CSMD2: variants seen among roughly 807,000 people sequenced by gnomAD.
The protein encoded by CSMD2 is CUB and Sushi multiple domains 2, also known as CUB and sushi domain-containing protein 2.
In CSMD2, 130 loss-of-function variants were observed where a neutral mutation model predicts 398.5. That is an observed-to-expected ratio of 0.33 (90% CI 0.28 to 0.38). CSMD2 has a LOEUF of 0.38. CSMD2 is among the 10% of genes least tolerant of loss of function. CSMD2 has a pLI of 1.00. For missense variants in CSMD2, 3,829 were observed against 4,764.9 expected (o/e 0.80, Z 5.78); for synonymous variants, 1,828 against 1,908.5 (o/e 0.96, Z 1.10).
chr1:33,669,503 C>G (rs1021476786), intron 25 of CSMD2, among the ~76,000 whole-genome samples: 7 of 152,162 alleles, frequency 4.6e-5, no homozygotes, highest in Admixed American at 2.0e-4. Context: ...CCAAGTCCCC[C>G]CTGGGCTTCC....
chr1:34,136,939 T>C (rs1254904156), intron 1 of CSMD2, among the ~76,000 whole-genome samples: 1 of 152,076 alleles, frequency 6.6e-6, no homozygotes, highest in African/African-American at 2.4e-5. Context: ...CTTCCACTCA[T>C]CTTTCCATTC....
intron 20 of CSMD2, 91 bp downstream of exon 20, chr1:33,716,195 C>T: frequency 9.2e-7 from 1 of 1,088,338 alleles, no homozygotes; most frequent in Non-Finnish European, 1.4e-6. Context: ...GGATTAATAT[C>T]TATCTGCTAG....
At chr1:34,095,450 A>C (rs201014892) in intron 1 of CSMD2, among the ~76,000 whole-genome samples, 2,146 of 149,060 alleles carry the variant, frequency 0.014, 36 homozygotes, top group African/African-American at 0.037. Context: ...AAAACCCTTC[A>C]AAAAATTAAT....
At chr1:33,829,056 T>A (rs1424413187) in intron 6 of CSMD2, among the ~76,000 whole-genome samples, 1 of 152,234 alleles carries the variant, frequency 6.6e-6, no homozygotes, top group Non-Finnish European at 1.5e-5. Context: ...ATATCACCAG[T>A]GTTGCCTGTA....
intron 1 of CSMD2, among the ~76,000 whole-genome samples, chr1:34,114,700 A>C (rs1661437859): frequency 6.6e-6 from 1 of 152,194 alleles, no homozygotes; most frequent in African/African-American, 2.4e-5. Flanking sequence ...CCTGTCTCAA[A>C]AAAAAAGGAA....
Position 34,036,577 on chromosome 1 carries a change from G to T in CSMD2, c.405-3871C>A, listed in dbSNP as rs538343940. On this transcript the variant is annotated intron_variant, in intron 2 of 70. Transcript: ENST00000373381. Reference sequence around the variant, plus strand: ...TAGTATGAGGAGATCTTTGGGTGATGGAATCATTCTGTGTCTTGATTGCAG... The same window carrying T: ...TAGTATGAGGAGATCTTTGGGTGATTGAATCATTCTGTGTCTTGATTGCAG... Among the ~76,000 whole-genome samples the T allele has an allele frequency of 2.0e-5, 3 of 152,270 alleles. No homozygotes were observed. In the South Asian group the frequency reaches 6.2e-4, roughly 32 times the overall value.
At chr1:33,956,208 A>T (rs1287308937) in intron 3 of CSMD2, among the ~76,000 whole-genome samples, 2 of 93,152 alleles carry the variant, frequency 2.1e-5, no homozygotes, top group Non-Finnish European at 2.0e-5. Flanking sequence ...TTAAAGTATT[A>T]AAAAAAAAAA....
chr1:33,978,112 G>A (rs1016017004), intron 3 of CSMD2, among the ~76,000 whole-genome samples: 1 of 150,680 alleles, frequency 6.6e-6, no homozygotes, highest in Non-Finnish European at 1.5e-5. Context: ...TTATATGGAT[G>A]AGGAACTTGA....
intron 1 of CSMD2, among the ~76,000 whole-genome samples, chr1:34,144,616 A>C (rs556767049): frequency 1.3e-5 from 2 of 152,330 alleles, no homozygotes; most frequent in East Asian, 3.9e-4. Context: ...ACATATCCAA[A>C]GCCATGTCTT....
At chr1:33,977,297 C>A (rs1454231087) in intron 3 of CSMD2, among the ~76,000 whole-genome samples, 2 of 151,932 alleles carry the variant, frequency 1.3e-5, no homozygotes, top group Non-Finnish European at 2.9e-5. Context: ...AGAATAGGAC[C>A]CTGTGGGAAC....
intron 13 of CSMD2, among the ~76,000 whole-genome samples, chr1:33,767,627 A>G (rs1169876999): frequency 6.6e-6 from 1 of 152,218 alleles, no homozygotes; most frequent in Non-Finnish European, 1.5e-5. Flanking sequence ...GGATAAATAA[A>G]TGAACGGGTA....
chr1:33,669,252 T>C (rs1464832065), intron 25 of CSMD2, among the ~76,000 whole-genome samples: 1 of 152,206 alleles, frequency 6.6e-6, no homozygotes, highest in Non-Finnish European at 1.5e-5. Context: ...GGAGGCAGTG[T>C]CTTTGAAACA....
chr1:33,521,462 C>T lies in CSMD2; in HGVS notation c.10597+1G>A. The T allele has an allele frequency of 8.5e-7, 1 of 1,176,648 alleles. No individual in the cohort carries two copies. Among genetic ancestry groups the T allele is most frequent in the Non-Finnish European group, 1.2e-6 (1 of 823,726 alleles). 72.9% of individuals were successfully genotyped at this position (1,176,648 alleles called of 1,614,324 possible). ...ACTTCCGGGGGACAAGCACTAGTTA[C>T]CCAGTCTTTGAAAGCCGAACTGCCC... On this transcript the variant is annotated splice_donor_variant, in intron 68 of 70. Coordinates refer to ENST00000373381, the MANE Select transcript of CSMD2 (RefSeq NM_001281956.2). LOFTEE classifies it high-confidence loss of function.
intron 3 of CSMD2, among the ~76,000 whole-genome samples, chr1:33,966,176 T>A (rs1044203666): frequency 2.6e-5 from 4 of 151,810 alleles, no homozygotes; most frequent in African/African-American, 9.7e-5. Flanking sequence ...ATCCAAGGAG[T>A]CCAGCCTTGA....
intron 6 of CSMD2, among the ~76,000 whole-genome samples, chr1:33,835,671 A>G (rs1454062957): frequency 2.2e-5 from 2 of 90,756 alleles, no homozygotes; most frequent in Non-Finnish European, 4.0e-5. Flanking sequence ...AATAAATTAA[A>G]ACAAAACAAA....
At chr1:33,932,914 G>A (rs1381571735) in intron 4 of CSMD2, among the ~76,000 whole-genome samples, 1 of 152,198 alleles carries the variant, frequency 6.6e-6, no homozygotes, top group Non-Finnish European at 1.5e-5. Context: ...GGCTCAAGGT[G>A]CAGGCAGCAC....
intron 1 of CSMD2, among the ~76,000 whole-genome samples, chr1:34,156,701 T>C (rs1640838968): frequency 6.6e-6 from 1 of 152,208 alleles, no homozygotes; most frequent in Admixed American, 6.5e-5. Context: ...CTGTTCTAGA[T>C]GGCACAGGAG....
intron 3 of CSMD2, among the ~76,000 whole-genome samples, chr1:33,942,503 CTGGGCTTTGCCCTAACCATTG>C (rs1644708516): frequency 6.6e-6 from 1 of 152,256 alleles, no homozygotes; most frequent in African/African-American, 2.4e-5. Context: ...CCCCGCCCTG[CTGGGCTTTGCCCTAACCATTG>C]TCAGGCAGAA....
chr1:33,871,503 T>G (rs972242533), intron 5 of CSMD2, among the ~76,000 whole-genome samples: 1 of 152,224 alleles, frequency 6.6e-6, no homozygotes, highest in Non-Finnish European at 1.5e-5. Context: ...AGTTACCAGT[T>G]ACAGAGGCTG....
Sources: gnomAD v4.1 joint callset for allele counts (sites outside exome capture counted in the v4.1 genomes callset) on GRCh38, gnomAD v4.1.1 for gene constraint, MANE v1.5 for transcripts, NCBI Gene and HGNC (gene_info 2026-07-23, HGNC 2026-07-21) for gene names.